The following CDYL2 variants were observed in gnomAD, a reference collection of about 807,000 sequenced individuals.
The protein encoded by CDYL2 is chromodomain Y like 2, also known as chromodomain Y-like protein 2.
A neutral mutation model predicts 49.4 loss-of-function variants in CDYL2; 23 were observed. That is an observed-to-expected ratio of 0.47 (90% confidence interval 0.34 to 0.66). The LOEUF (loss-of-function observed/expected upper bound fraction) is 0.66. Among genes scored for constraint, CDYL2 ranks in the 30% least tolerant of loss-of-function variants. The pLI, the probability that CDYL2 is intolerant of heterozygous loss-of-function variation, is 0.01. For missense variants in CDYL2, 678 were observed against 656.4 expected (o/e 1.03, Z -0.36); for synonymous variants, 360 against 268.8 (o/e 1.34, Z -3.32).
chr16:80,766,290 A>G (rs1033684823), intron 1 of CDYL2, among the ~76,000 whole-genome samples: 1 of 152,198 alleles, frequency 6.6e-6, no homozygotes, highest in Non-Finnish European at 1.5e-5. Context: ...TGACAAAAAA[A>G]AAGAGAAGGT....
chr16:80,772,420 G>A (rs1169364841), intron 1 of CDYL2, among the ~76,000 whole-genome samples: 2 of 152,168 alleles, frequency 1.3e-5, no homozygotes, highest in Non-Finnish European at 2.9e-5. Flanking sequence ...GATGTCTAAG[G>A]TCTCTGAATT....
At chr16:80,781,562 C>A (rs913985790) in intron 1 of CDYL2, among the ~76,000 whole-genome samples, 1 of 152,122 alleles carries the variant, frequency 6.6e-6, no homozygotes, top group African/African-American at 2.4e-5. Context: ...GAACATCCCA[C>A]CCAACAACAA....
At position 80,604,339 on chromosome 16, in the gene CDYL2, C is replaced by T. The variant is rs1321191253; in HGVS notation, c.*49G>A. The T allele has an allele frequency of 8.1e-6, 13 of 1,608,750 alleles. No individual in the cohort carries two copies. The highest frequency in any genetic ancestry group is 2.2e-5 in the East Asian group (1 of 44,866). The stretch of plus-strand genomic sequence containing the variant: ...GGGGCAGACACTGTGCTCTGGTTTC[C>T]GAAACACAGGGCAGAGCTGGAAGTT... On this transcript the variant is annotated 3_prime_UTR_variant, in exon 7 of 7. Coordinates refer to ENST00000570137, the MANE Select transcript of CDYL2 (RefSeq NM_152342.4).
intron 1 of CDYL2, among the ~76,000 whole-genome samples, chr16:80,762,733 G>A (rs930824889): frequency 6.6e-6 from 1 of 152,118 alleles, no homozygotes; most frequent in Non-Finnish European, 1.5e-5. Flanking sequence ...GTCATCAATT[G>A]CAAGTGTCCA....
intron 1 of CDYL2, among the ~76,000 whole-genome samples, chr16:80,777,046 T>G (rs11643320): frequency 0.17 from 26,498 of 152,054 alleles, 3,072 homozygotes; most frequent in Middle Eastern, 0.32. Context: ...GGTCTCGACC[T>G]CCTAAGCTCA....
At chr16:80,644,804 G>A (rs1348385151) in intron 2 of CDYL2, among the ~76,000 whole-genome samples, 1 of 152,048 alleles carries the variant, frequency 6.6e-6, no homozygotes, top group East Asian at 1.9e-4. Context: ...CAGACCAATG[G>A]AACAGAACAG....
rs569258380 is a variant in CDYL2, at chr16:80,795,798, G to A, written c.24+8352C>T. Among the ~76,000 whole-genome samples the A allele has an allele frequency of 3.3e-5, 5 of 152,312 alleles. No homozygotes were observed. The East Asian group carries it at 5.8e-4, about 18-fold the overall frequency. ...TACCAGTTCTAGTCTAAGACCCAGA[G>A]CTCTACGCTTGCCCCTCATTACACA... On this transcript the variant is annotated intron_variant, in intron 1 of 6. Coordinates refer to ENST00000570137, the MANE Select transcript of CDYL2 (RefSeq NM_152342.4).
intron 2 of CDYL2, among the ~76,000 whole-genome samples, chr16:80,666,803 C>A (rs1362340830): frequency 2.0e-5 from 3 of 152,186 alleles, no homozygotes; most frequent in Admixed American, 2.0e-4. Flanking sequence ...GGACCCCCAT[C>A]TTAAAGCAGA....
chr16:80,679,174 A>G (rs1909874468), intron 2 of CDYL2, among the ~76,000 whole-genome samples: 1 of 151,494 alleles, frequency 6.6e-6, no homozygotes, highest in South Asian at 2.1e-4. Flanking sequence ...ATGACGAGTT[A>G]GTGGGTGCAT....
At chr16:80,683,805 A>G (rs973309160) in intron 2 of CDYL2, among the ~76,000 whole-genome samples, 11 of 152,178 alleles carry the variant, frequency 7.2e-5, no homozygotes, top group Non-Finnish European at 1.5e-4. Flanking sequence ...AGGACACAGA[A>G]GGCACCAGCT....
intron 1 of CDYL2, among the ~76,000 whole-genome samples, chr16:80,792,595 C>A (rs1336878812): frequency 6.6e-6 from 1 of 152,094 alleles, no homozygotes; most frequent in African/African-American, 2.4e-5. Flanking sequence ...AAAAGTACAA[C>A]CAAGGTGACA....
chr16:80,759,744 C>G (rs1325752358), intron 1 of CDYL2, among the ~76,000 whole-genome samples: 1 of 152,192 alleles, frequency 6.6e-6, no homozygotes, highest in Non-Finnish European at 1.5e-5. Context: ...CAACACACGA[C>G]TGCATAACAA....
chr16:80,645,592 C>A lies in CDYL2; in HGVS notation c.617-12356G>T, dbSNP rs1018363016. Among the ~76,000 whole-genome samples the A allele has an allele frequency of 2.0e-5, 3 of 152,042 alleles. No individual in the cohort carries two copies. The East Asian group carries it at 5.8e-4, about 29-fold the overall frequency. ...GACAGTGTGGCGATTCCTCAAGGAT[C>A]CAGAACTAAAAATACCATTTGACCC... On this transcript the variant is annotated intron_variant, in intron 2 of 6. Transcript: ENST00000570137.
chr16:80,637,184 C>T (rs1907871547), intron 2 of CDYL2, among the ~76,000 whole-genome samples: 1 of 149,472 alleles, frequency 6.7e-6, no homozygotes, highest in South Asian at 2.1e-4. Context: ...TATATGTATA[C>T]ATTTAAAAAA....
chr16:80,672,609 G>GGAAAA (rs1567564935), intron 2 of CDYL2, among the ~76,000 whole-genome samples: 2 of 141,072 alleles, frequency 1.4e-5, no homozygotes, highest in African/African-American at 5.2e-5. Flanking sequence ...GGAAAGGAAA[G>GGAAAA]GAAAAGAAAG....
chr16:80,742,479 T>TGGATGGAG, intron 1 of CDYL2, among the ~76,000 whole-genome samples: 1 of 150,020 alleles, frequency 6.7e-6, no homozygotes, highest in South Asian at 2.1e-4. Context: ...GATGGATGGA[T>TGGATGGAG]GGATGGATGG....
intron 1 of CDYL2, among the ~76,000 whole-genome samples, chr16:80,715,912 G>C (rs1375937452): frequency 2.0e-5 from 3 of 152,280 alleles, no homozygotes; most frequent in South Asian, 2.1e-4. Flanking sequence ...CCCACCCCTA[G>C]ATGGAAGAAG....
At chr16:80,649,498 C>G (rs1407028409) in intron 2 of CDYL2, among the ~76,000 whole-genome samples, 1 of 151,484 alleles carries the variant, frequency 6.6e-6, no homozygotes, top group East Asian at 1.9e-4. Flanking sequence ...ACGCCAAAAA[C>G]TATTCATGGA....
chr16:80,783,909 G>A (rs1005989127), intron 1 of CDYL2, among the ~76,000 whole-genome samples: 13 of 152,218 alleles, frequency 8.5e-5, no homozygotes, highest in African/African-American at 3.1e-4. Context: ...AAAACAGCAA[G>A]TGACACTTAA....
Sources: gnomAD v4.1 joint callset for allele counts (sites outside exome capture counted in the v4.1 genomes callset) on GRCh38, gnomAD v4.1.1 for gene constraint, MANE v1.5 for transcripts, NCBI Gene and HGNC (gene_info 2026-07-23, HGNC 2026-07-21) for gene names.